Variants in GSE1 observed in about 807,000 individuals in gnomAD.
The protein encoded by GSE1 is Gse1 coiled-coil protein, also known as genetic suppressor element 1.
A neutral mutation model predicts 112.6 loss-of-function variants in GSE1; 32 were observed. That is an observed-to-expected ratio of 0.28 (90% confidence interval 0.21 to 0.38). GSE1 has a LOEUF of 0.38. GSE1 is among the 10% of genes least tolerant of loss of function. GSE1 has a pLI of 1.00. For synonymous variants in GSE1, 1,115 were observed against 735.6 expected, an observed-to-expected ratio of 1.52 and a Z score of -8.35; for missense variants, 2,348 against 1,699.2, an observed-to-expected ratio of 1.38 and a Z score of -6.71.
At chr16:85,578,849 C>T (rs1322464709) in intron 1 of GSE1, among the ~76,000 whole-genome samples, 1 of 152,108 alleles carries the variant, frequency 6.6e-6, no homozygotes, top group Non-Finnish European at 1.5e-5. Flanking sequence ...CGGTCACTCA[C>T]CCATCCTGCA....
At chr16:85,670,333 C>G (rs558855507) in intron 14 of GSE1, among the ~76,000 whole-genome samples, 1 of 152,126 alleles carries the variant, frequency 6.6e-6, no homozygotes, top group Non-Finnish European at 1.5e-5. Context: ...TTTAAAGCAT[C>G]CCATTAAAGA....
At chr16:85,539,807 T>C (rs2044458768) in intron 2 of GSE1, among the ~76,000 whole-genome samples, 1 of 152,190 alleles carries the variant, frequency 6.6e-6, no homozygotes, top group Non-Finnish European at 1.5e-5. Context: ...CCTGAAGGCC[T>C]TAGTCCAGTG....
At chr16:85,643,551 C>G (rs1351755264) in intron 2 of GSE1, among the ~76,000 whole-genome samples, 1 of 152,134 alleles carries the variant, frequency 6.6e-6, no homozygotes, top group Non-Finnish European at 1.5e-5. Flanking sequence ...TTCAGAGACT[C>G]TGGAGTGGCA....
intron 2 of GSE1, among the ~76,000 whole-genome samples, chr16:85,550,279 C>A (rs1360193822): frequency 6.6e-6 from 1 of 152,126 alleles, no homozygotes; most frequent in African/African-American, 2.4e-5. Context: ...GCTCTGCCAC[C>A]CACTGGCTGT....
At chr16:85,478,967 C>CTTT (rs1491410046) in intron 2 of GSE1, among the ~76,000 whole-genome samples, 493 of 18,042 alleles carry the variant, frequency 0.027, 117 homozygotes, top group African/African-American at 0.23. Flanking sequence ...TTCTTTCTTT[C>CTTT]CTTCCTTCCT....
intron 1 of GSE1, among the ~76,000 whole-genome samples, chr16:85,345,685 A>T (rs1299096701): frequency 6.6e-6 from 1 of 152,028 alleles, no homozygotes; most frequent in East Asian, 1.9e-4. Flanking sequence ...CTTCCTACTG[A>T]TGGACAGATG....
At position 85,668,574 on chromosome 16, in the gene GSE1, C is replaced by T. The variant is rs370124760; in HGVS notation, c.3415+150C>T. 2.4e-4 allele frequency: 151 copies of T among 630,468 alleles called. 1 individual carries two copies. The highest frequency in any genetic ancestry group is 1.1e-3 in the African/African-American group (60 of 54,572). 39.1% of individuals were successfully genotyped at this position (630,468 alleles called of 1,614,324 possible). On this transcript the variant is annotated intron_variant, in intron 14 of 15. Coordinates refer to ENST00000253458, the MANE Select transcript of GSE1 (RefSeq NM_014615.5). The stretch of plus-strand genomic sequence containing the variant: ...AGATATGAATACTGGAAGTTTCTTC[C>T]GGCTTCTGGTAGCGGTGATGTCCCA...
chr16:85,665,195 C>T lies in GSE1; in HGVS notation c.2758+67C>T, dbSNP rs1294937485. On this transcript the variant is annotated intron_variant, in intron 12 of 15. Coordinates refer to ENST00000253458, the MANE Select transcript of GSE1 (RefSeq NM_014615.5). Reference sequence around the variant, plus strand: ...CCCATGGGCTGCCCAGGCTCAGAGGCGACCACTCGAGGTCTTCATCATTGT... The same window carrying T: ...CCCATGGGCTGCCCAGGCTCAGAGGTGACCACTCGAGGTCTTCATCATTGT... The T allele has an allele frequency of 2.5e-5, 22 of 888,680 alleles. No individual in the cohort carries two copies. The South Asian group carries it at 2.5e-4, about 10-fold the overall frequency. 55.0% of individuals were successfully genotyped at this position (888,680 alleles called of 1,614,324 possible). A position where few individuals can be genotyped will look rare whatever the true frequency, so the allele number is the denominator to read the frequency against.
At chr16:85,379,563 CT>C (rs913459596) in intron 2 of GSE1, among the ~76,000 whole-genome samples, 2 of 152,210 alleles carry the variant, frequency 1.3e-5, no homozygotes, top group African/African-American at 4.8e-5. Flanking sequence ...CCTGGGACCC[CT>C]GGGTTCTCAT....
intron 1 of GSE1, among the ~76,000 whole-genome samples, chr16:85,583,838 G>T (rs2046563298): frequency 6.6e-6 from 1 of 152,200 alleles, no homozygotes; most frequent in Non-Finnish European, 1.5e-5. Flanking sequence ...GCTGTCTGGA[G>T]CCTGCCTCCC....
chr16:85,556,755 C>CG (rs1343035165), intron 1 of GSE1, among the ~76,000 whole-genome samples: 3 of 144,094 alleles, frequency 2.1e-5, no homozygotes, highest in Non-Finnish European at 4.7e-5. Flanking sequence ...GCATGCCCCC[C>CG]CCCCCCCCAG....
At chr16:85,431,046 G>T (rs1042003695) in intron 2 of GSE1, among the ~76,000 whole-genome samples, 4 of 150,540 alleles carry the variant, frequency 2.7e-5, no homozygotes, top group African/African-American at 9.7e-5. Flanking sequence ...TGATTTTTGA[G>T]TGCAGCTCAG....
chr16:85,228,340 C>T (rs2075525240), intron 1 of GSE1, among the ~76,000 whole-genome samples: 2 of 152,178 alleles, frequency 1.3e-5, no homozygotes, highest in Admixed American at 6.5e-5. Context: ...GTTGTCCACA[C>T]TGCTTGTGGC....
chr16:85,492,236 C>A (rs988462172), intron 2 of GSE1, among the ~76,000 whole-genome samples: 1 of 152,048 alleles, frequency 6.6e-6, no homozygotes, highest in African/African-American at 2.4e-5. Flanking sequence ...TAGAGGCTGC[C>A]GGAGGCTGCA....
chr16:85,577,470 C>T (rs558906392), intron 1 of GSE1, among the ~76,000 whole-genome samples: 1 of 152,306 alleles, frequency 6.6e-6, no homozygotes, highest in South Asian at 2.1e-4. Flanking sequence ...TCCAAAGAGT[C>T]CTCCATCCTG....
rs2052547267 is a variant in GSE1 at position 85,662,902 on chromosome 16, A to AC, written c.2261-78dup. The stretch of plus-strand genomic sequence containing the variant: ...AGGCCTGGCCTGATAGGTGCTCTGC[A>AC]CACATGAGGCCCTGCGGGCATGTCC... On this transcript the variant is annotated intron_variant, in intron 9 of 15. Transcript: ENST00000253458. 3 of 1,008,674 alleles carry AC rather than the reference A, an allele frequency of 3.0e-6. No homozygotes were observed. In the Admixed American group the frequency reaches 5.3e-5, roughly 18 times the overall value. 62.5% of individuals were successfully genotyped at this position (1,008,674 alleles called of 1,614,324 possible).
rs867303771 is a variant in GSE1, at chr16:85,410,227, C to G, written c.2464+52584C>G. On this transcript the variant is annotated intron_variant, in intron 2 of 2. Coordinates refer to the GSE1 transcript ENST00000637419. ...CCCGGATAATCCTCACTGTTACACT[C>G]AGGGCCCCCTGGATAATCCTCACTG... 1.5e-3 allele frequency among the ~76,000 whole-genome samples: 38 copies of G among 25,626 alleles called. 11 individuals carry two copies. The highest frequency in any genetic ancestry group is 9.5e-3 in the African/African-American group (37 of 3,894). 16.8% of individuals were successfully genotyped at this position (25,626 alleles called of 152,430 possible).
intron 2 of GSE1, among the ~76,000 whole-genome samples, chr16:85,388,291 G>GAT (rs2047740286): frequency 1.1e-5 from 1 of 88,052 alleles, no homozygotes; most frequent in African/African-American, 4.4e-5. Flanking sequence ...TGGATGGGTG[G>GAT]GTGGATGGAT....
intron 2 of GSE1, among the ~76,000 whole-genome samples, chr16:85,546,069 G>A (rs1023845795): frequency 3.3e-5 from 5 of 152,096 alleles, no homozygotes; most frequent in Admixed American, 1.3e-4. Context: ...ACAGGCGGGA[G>A]CCGCCGCGCC....
Sources: allele counts gnomAD v4.1 joint callset (sites outside exome capture counted in the v4.1 genomes callset), GRCh38; gene constraint gnomAD v4.1.1; transcripts MANE v1.5; gene names NCBI Gene and HGNC (gene_info 2026-07-23, HGNC 2026-07-21).